The following MCU variants were observed in gnomAD, a reference collection of about 807,000 sequenced individuals.
MCU encodes the protein calcium uniporter protein, mitochondrial.
MCU carries 12 observed loss-of-function variants against 45.2 expected under a neutral mutation model. That is an observed-to-expected ratio of 0.27 (90% CI 0.17 to 0.43). MCU has a LOEUF of 0.43. Among genes scored for constraint, MCU ranks in the 20% least tolerant of loss-of-function variants. MCU has a pLI of 1.00. For synonymous variants in MCU, 160 were observed against 165.1 expected (o/e 0.97, Z 0.24); for missense variants, 324 against 436.7 (o/e 0.74, Z 2.30).
At chr10:72,878,111 CTTTTTT>C (rs10715401) in intron 6 of MCU, among the ~76,000 whole-genome samples, 3 of 77,950 alleles carry the variant, frequency 3.8e-5, no homozygotes, top group Admixed American at 3.3e-4. Context: ...AATAATTTTG[CTTTTTT>C]TTTTTTTTTT....
intron 1 of MCU, chr10:72,715,308 A>T (rs1842943872): frequency 3.2e-6 from 1 of 310,236 alleles, no homozygotes; most frequent in Non-Finnish European, 4.7e-6. Flanking sequence ...ATTAGTTTTT[A>T]AAAAGGCACT....
At chr10:72,881,193 C>A (rs1486154030) in intron 6 of MCU, among the ~76,000 whole-genome samples, 2 of 151,944 alleles carry the variant, frequency 1.3e-5, no homozygotes, top group African/African-American at 4.8e-5. Context: ...GGTGCTAGGA[C>A]AATTAAATAC....
intron 4 of MCU, among the ~76,000 whole-genome samples, chr10:72,865,845 T>C (rs1460978006): frequency 6.6e-6 from 1 of 151,672 alleles, no homozygotes; most frequent in Non-Finnish European, 1.5e-5. Context: ...GGTGCAATCT[T>C]GGCTCACTGC....
intron 1 of MCU, among the ~76,000 whole-genome samples, chr10:72,764,333 T>C (rs1843696829): frequency 6.6e-6 from 1 of 152,204 alleles, no homozygotes; most frequent in South Asian, 2.1e-4. Flanking sequence ...TATTTGAAGA[T>C]ATCAGAAACA....
intron 1 of MCU, among the ~76,000 whole-genome samples, chr10:72,705,790 C>T (rs767704133): frequency 6.6e-6 from 1 of 150,728 alleles, no homozygotes; most frequent in Non-Finnish European, 1.5e-5. Flanking sequence ...GCACTCCAGC[C>T]TGGTCTGTAA....
rs74741628 is a variant in MCU, at chr10:72,884,508, A to G, written c.978+126A>G. On this transcript the variant is annotated intron_variant, in intron 7 of 7. Coordinates refer to ENST00000373053, the MANE Select transcript of MCU (RefSeq NM_138357.3). ...TTCCAACCCTCTTCTTCCTGTATAA[A>G]TTATTCCTCAGTTGATTACAGTAAC... is the stretch of plus-strand genomic sequence containing the variant. The G allele has an allele frequency of 7.8e-3, 4,873 of 626,262 alleles. 44 individuals are homozygous for G. Among genetic ancestry groups the G allele is most frequent in the East Asian group, 0.031 (1,182 of 38,212 alleles). The allele number at this position is 626,262 out of a possible 1,614,324, so 38.8% of individuals were successfully genotyped here.
chr10:72,804,440 A>C (rs1205618181), intron 1 of MCU, among the ~76,000 whole-genome samples: 1 of 152,150 alleles, frequency 6.6e-6, no homozygotes, highest in Non-Finnish European at 1.5e-5. Context: ...CAAAATCCAG[A>C]AGAAAAACAA....
chr10:72,737,186 G>A (rs193204110), intron 1 of MCU, among the ~76,000 whole-genome samples: 164 of 152,292 alleles, frequency 1.1e-3, no homozygotes, highest in Middle Eastern at 3.4e-3. Flanking sequence ...CCAGTCATGA[G>A]TTTTCATTCT....
intron 1 of MCU, among the ~76,000 whole-genome samples, chr10:72,765,596 C>T (rs915485767): frequency 1.3e-5 from 2 of 151,956 alleles, no homozygotes; most frequent in African/African-American, 4.8e-5. Flanking sequence ...GAGTTCAAGA[C>T]TAGCCTGGAT....
At chr10:72,866,428 T>C (rs575103112) in intron 4 of MCU, among the ~76,000 whole-genome samples, 55 of 152,236 alleles carry the variant, frequency 3.6e-4, no homozygotes, top group African/African-American at 1.3e-3. Context: ...GTTTGTTTTT[T>C]GTTTTTGTTT....
At chr10:72,852,953 A>G (rs1362270207) in intron 2 of MCU, among the ~76,000 whole-genome samples, 2 of 152,222 alleles carry the variant, frequency 1.3e-5, no homozygotes, top group Non-Finnish European at 2.9e-5. Flanking sequence ...TCTCAGAAGA[A>G]CCATATCTTA....
At chr10:72,821,570 C>A (rs1010220774) in intron 1 of MCU, among the ~76,000 whole-genome samples, 3 of 152,044 alleles carry the variant, frequency 2.0e-5, no homozygotes, top group Non-Finnish European at 4.4e-5. Context: ...AACAAGCATG[C>A]TTTTCTGCTT....
At chr10:72,855,902 G>A (rs1181836244) in intron 2 of MCU, among the ~76,000 whole-genome samples, 6 of 152,150 alleles carry the variant, frequency 3.9e-5, no homozygotes, top group Non-Finnish European at 8.8e-5. Flanking sequence ...GATAGGGAAA[G>A]ATATACTATG....
At chr10:72,810,871 A>G (rs962629223) in intron 1 of MCU, among the ~76,000 whole-genome samples, 1 of 152,132 alleles carries the variant, frequency 6.6e-6, no homozygotes, top group Admixed American at 6.5e-5. Flanking sequence ...GAAAGTAAGG[A>G]TTGGCACAGT....
intron 1 of MCU, among the ~76,000 whole-genome samples, chr10:72,726,557 TTATA>T (rs1843104988): frequency 1.3e-5 from 2 of 152,238 alleles, no homozygotes; most frequent in Non-Finnish European, 2.9e-5. Flanking sequence ...GTACATATCC[TTATA>T]TACAGGTACG....
chr10:72,764,502 A>G (rs566195538), intron 1 of MCU, among the ~76,000 whole-genome samples: 19 of 152,346 alleles, frequency 1.2e-4, no homozygotes, highest in African/African-American at 3.1e-4. Flanking sequence ...AAAAGGTAAC[A>G]TAACATTTGA....
intron 1 of MCU, among the ~76,000 whole-genome samples, chr10:72,778,732 TA>T (rs1843939405): frequency 6.6e-6 from 1 of 152,170 alleles, no homozygotes; most frequent in South Asian, 2.1e-4. Context: ...AATATTTGAC[TA>T]ACTGGTCAAA....
At chr10:72,721,786 A>G (rs1245114356) in intron 1 of MCU, among the ~76,000 whole-genome samples, 1 of 152,162 alleles carries the variant, frequency 6.6e-6, no homozygotes, top group Non-Finnish European at 1.5e-5. Flanking sequence ...GTAGTGATGC[A>G]TTACTGCTAT....
At chr10:72,867,235 T>G (rs1845471015) in intron 4 of MCU, among the ~76,000 whole-genome samples, 1 of 152,048 alleles carries the variant, frequency 6.6e-6, no homozygotes, top group African/African-American at 2.4e-5. Flanking sequence ...TTGTTTTGTT[T>G]AGAAGAGTGC....
Sources: allele counts gnomAD v4.1 joint callset (sites outside exome capture counted in the v4.1 genomes callset), GRCh38; gene constraint gnomAD v4.1.1; transcripts MANE v1.5; gene names NCBI Gene and HGNC (gene_info 2026-07-23, HGNC 2026-07-21).